The following SPON1 variants were observed in gnomAD, a reference collection of about 807,000 sequenced individuals.
SPON1 encodes the protein spondin-1.
Under a neutral mutation model 111.7 loss-of-function variants are expected in SPON1, and 52 were observed. That is an observed-to-expected ratio of 0.47 (90% CI 0.37 to 0.59). The LOEUF (loss-of-function observed/expected upper bound fraction) is 0.59, where lower values mean the gene tolerates loss of function less well. Among genes scored for constraint, SPON1 ranks in the 20% least tolerant of loss-of-function variants. SPON1 has a pLI of 0.00. For synonymous variants in SPON1, 410 were observed against 395.8 expected (o/e 1.04, Z -0.43); for missense variants, 957 against 1,068.5 (o/e 0.90, Z 1.46).
At chr11:14,000,194 T>C (rs535259560) in intron 2 of SPON1, among the ~76,000 whole-genome samples, 24 of 152,238 alleles carry the variant, frequency 1.6e-4, no homozygotes, top group African/African-American at 5.8e-4. Flanking sequence ...CATGGATATA[T>C]GCCTCAAAAA....
intron 6 of SPON1, among the ~76,000 whole-genome samples, chr11:14,142,065 C>A (rs972899958): frequency 1.3e-5 from 2 of 152,286 alleles, no homozygotes; most frequent in Admixed American, 1.3e-4. Flanking sequence ...AGTTACTTAA[C>A]CCCTCTGTGT....
intron 5 of SPON1, among the ~76,000 whole-genome samples, chr11:14,129,933 A>G (rs904789781): frequency 6.6e-6 from 1 of 151,680 alleles, no homozygotes; most frequent in Non-Finnish European, 1.5e-5. Context: ...AGATCTCATG[A>G]GAACTCACTC....
intron 6 of SPON1, among the ~76,000 whole-genome samples, chr11:14,233,693 C>A: frequency 6.6e-6 from 1 of 151,852 alleles, no homozygotes; most frequent in South Asian, 2.1e-4. Context: ...TGGGACGGGA[C>A]CTGCCCTGGG....
intron 5 of SPON1, among the ~76,000 whole-genome samples, chr11:14,131,362 C>T (rs1186277689): frequency 6.6e-6 from 1 of 152,114 alleles, no homozygotes; most frequent in Non-Finnish European, 1.5e-5. Flanking sequence ...GAGGATTACA[C>T]ATAGGAGATC....
chr11:14,194,691 A>G (rs1260390615), intron 6 of SPON1, among the ~76,000 whole-genome samples: 5 of 152,244 alleles, frequency 3.3e-5, no homozygotes, highest in African/African-American at 1.2e-4. Flanking sequence ...AGCTAATTAC[A>G]AAGTAATTGA....
chr11:14,213,858 G>A (rs1447001334), intron 6 of SPON1, among the ~76,000 whole-genome samples: 1 of 152,134 alleles, frequency 6.6e-6, no homozygotes, highest in African/African-American at 2.4e-5. Context: ...TTTTTATAAG[G>A]ATGTGTTCTC....
chr11:13,989,247 G>C (rs1848208977), intron 2 of SPON1, among the ~76,000 whole-genome samples: 1 of 152,024 alleles, frequency 6.6e-6, no homozygotes, highest in Non-Finnish European at 1.5e-5. Context: ...GTTTATTCAG[G>C]GATTCAGCTT....
intron 3 of SPON1, among the ~76,000 whole-genome samples, chr11:14,064,040 A>G (rs1848812246): frequency 6.6e-6 from 1 of 152,212 alleles, no homozygotes; most frequent in African/African-American, 2.4e-5. Context: ...ACTCAAAATT[A>G]TGTGTTGAAT....
At chr11:14,102,264 A>G (rs1258633057) in intron 5 of SPON1, among the ~76,000 whole-genome samples, 1 of 152,192 alleles carries the variant, frequency 6.6e-6, no homozygotes, top group African/African-American at 2.4e-5. Flanking sequence ...TGAGCCACGT[A>G]TGTAATTTCA....
At chr11:14,242,823 G>A (rs576129349) in intron 6 of SPON1, among the ~76,000 whole-genome samples, 1 of 152,334 alleles carries the variant, frequency 6.6e-6, no homozygotes, top group African/African-American at 2.4e-5. Context: ...CCTTGGCTTT[G>A]TGCTGGCCTC....
chr11:13,981,318 T>A (rs1848142412), intron 1 of SPON1, among the ~76,000 whole-genome samples: 1 of 152,116 alleles, frequency 6.6e-6, no homozygotes, highest in African/African-American at 2.4e-5. Flanking sequence ...AGCTAGATTT[T>A]TTTTGTTGCT....
chr11:13,974,905 T>C (rs1382449493), intron 1 of SPON1, among the ~76,000 whole-genome samples: 1 of 152,242 alleles, frequency 6.6e-6, no homozygotes, highest in Non-Finnish European at 1.5e-5. Flanking sequence ...ATGCAACTTA[T>C]GAAATACAGA....
chr11:14,080,096 G>T lies in SPON1; in HGVS notation c.676+75G>T, dbSNP rs189909128. The T allele has an allele frequency of 3.1e-5, 48 of 1,565,726 alleles. No homozygotes were observed. The East Asian group carries it at 1.1e-3, about 34-fold the overall frequency. On this transcript the variant is annotated intron_variant, in intron 5 of 15. Transcript: ENST00000576479. ...TTCTGTCTGGTTATAGGGCACACTA[G>T]CTGCAGCATGTCAGATCTGCTCCCT... is the stretch of plus-strand genomic sequence containing the variant.
chr11:14,110,382 T>C (rs892534268), intron 5 of SPON1, among the ~76,000 whole-genome samples: 2 of 152,218 alleles, frequency 1.3e-5, no homozygotes, highest in Non-Finnish European at 2.9e-5. Flanking sequence ...AATTGGACTA[T>C]ACATTCTCTA....
At chr11:14,216,720 A>G (rs1219561360) in intron 6 of SPON1, among the ~76,000 whole-genome samples, 1 of 152,178 alleles carries the variant, frequency 6.6e-6, no homozygotes, top group Non-Finnish European at 1.5e-5. Flanking sequence ...CACTCCTACA[A>G]TAACAACATT....
intron 3 of SPON1, among the ~76,000 whole-genome samples, chr11:14,056,774 C>T (rs1218896527): frequency 2.0e-5 from 3 of 152,064 alleles, no homozygotes; most frequent in African/African-American, 7.2e-5. Context: ...ATCTGTAGTC[C>T]CAGCTACTTG....
intron 1 of SPON1, among the ~76,000 whole-genome samples, chr11:13,971,013 A>G (rs905160199): frequency 3.9e-5 from 6 of 152,216 alleles, no homozygotes; most frequent in African/African-American, 1.4e-4. Flanking sequence ...ATAAAGTATC[A>G]TTGAAGCCCC....
At chr11:14,192,744 C>T (rs1038434133) in intron 6 of SPON1, among the ~76,000 whole-genome samples, 2 of 135,956 alleles carry the variant, frequency 1.5e-5, no homozygotes, top group Non-Finnish European at 1.6e-5. Flanking sequence ...CCGCCCCCAT[C>T]ACAGGATGCA....
intron 2 of SPON1, among the ~76,000 whole-genome samples, chr11:14,031,912 A>G (rs1554916100): frequency 1.3e-5 from 2 of 152,226 alleles, no homozygotes; most frequent in African/African-American, 4.8e-5. Flanking sequence ...AAGTAGTTAG[A>G]AAGCCCTTCC....
Sources: allele counts gnomAD v4.1 joint callset (sites outside exome capture counted in the v4.1 genomes callset), GRCh38; gene constraint gnomAD v4.1.1; transcripts MANE v1.5; gene names NCBI Gene and HGNC (gene_info 2026-07-23, HGNC 2026-07-21).